The following ERC2 variants were observed in gnomAD, a reference collection of about 807,000 sequenced individuals.
ERC2 encodes the protein ERC protein 2.
In ERC2, 42 loss-of-function variants were observed where a neutral mutation model predicts 114.8. The ratio of observed to expected loss-of-function variants is 0.37; its 90% CI spans 0.29 to 0.47. ERC2 has a LOEUF of 0.47. Among genes scored for constraint, ERC2 ranks in the 20% least tolerant of loss-of-function variants. The pLI, the probability that ERC2 is intolerant of heterozygous loss-of-function variation, is 0.99. For missense variants in ERC2, 939 were observed against 1,150.7 expected (o/e 0.82, Z 2.66); for synonymous variants, 454 against 425.5 (o/e 1.07, Z -0.82).
At chr3:56,292,407 G>A (rs568740394) in intron 3 of ERC2, among the ~76,000 whole-genome samples, 23 of 145,032 alleles carry the variant, frequency 1.6e-4, no homozygotes, top group Non-Finnish European at 2.4e-4. Context: ...GTGAAACCCC[G>A]TCTGTACCAA....
chr3:55,975,676 G>A (rs1024144886), intron 12 of ERC2, among the ~76,000 whole-genome samples: 1 of 152,138 alleles, frequency 6.6e-6, no homozygotes, highest in South Asian at 2.1e-4. Context: ...GATACTCCTC[G>A]TTATGTTCAT....
intron 14 of ERC2, among the ~76,000 whole-genome samples, chr3:55,804,209 A>G (rs946391346): frequency 5.3e-5 from 8 of 152,208 alleles, no homozygotes; most frequent in African/African-American, 1.7e-4. Context: ...CTCTTGGTCT[A>G]GTAAAGTGGC....
At chr3:55,727,636 C>T (rs149933751) in intron 15 of ERC2, among the ~76,000 whole-genome samples, 1 of 152,128 alleles carries the variant, frequency 6.6e-6, no homozygotes, top group African/African-American at 2.4e-5. Context: ...GCTTTATTGA[C>T]AGATGTTTAA....
At chr3:55,613,511 A>C (rs972010778) in intron 17 of ERC2, among the ~76,000 whole-genome samples, 5 of 152,182 alleles carry the variant, frequency 3.3e-5, no homozygotes, top group Admixed American at 3.3e-4. Flanking sequence ...ATTTTCTTTT[A>C]GGTGGGAGAG....
intron 17 of ERC2, among the ~76,000 whole-genome samples, chr3:55,639,017 A>G (rs910936480): frequency 6.6e-6 from 1 of 152,220 alleles, no homozygotes; most frequent in Non-Finnish European, 1.5e-5. Context: ...CTGAGCGTTG[A>G]GAACACCCTA....
At chr3:55,879,088 T>A (rs1345812311) in intron 14 of ERC2, among the ~76,000 whole-genome samples, 19 of 80,490 alleles carry the variant, frequency 2.4e-4, no homozygotes, top group Non-Finnish European at 3.9e-4. Context: ...TCTTTTTTTT[T>A]CTTTTTCTTA....
intron 2 of ERC2, among the ~76,000 whole-genome samples, chr3:56,327,672 T>A (rs1005447212): frequency 6.6e-6 from 1 of 152,032 alleles, no homozygotes; most frequent in Non-Finnish European, 1.5e-5. Flanking sequence ...CAAGACTCCA[T>A]CTCAATCAAT....
At chr3:55,999,779 T>C (rs1428013229) in intron 10 of ERC2, among the ~76,000 whole-genome samples, 1 of 151,602 alleles carries the variant, frequency 6.6e-6, no homozygotes, top group Non-Finnish European at 1.5e-5. Flanking sequence ...AGAAATAATA[T>C]TGGGAACATA....
At chr3:55,691,672 T>C (rs1419073559) in intron 16 of ERC2, among the ~76,000 whole-genome samples, 1 of 147,794 alleles carries the variant, frequency 6.8e-6, no homozygotes, top group Non-Finnish European at 1.5e-5. Context: ...GCCTAAAACA[T>C]GTAACTTTTC....
chr3:55,902,015 C>T (rs1461255499), intron 13 of ERC2, among the ~76,000 whole-genome samples: 1 of 152,190 alleles, frequency 6.6e-6, no homozygotes, highest in African/African-American at 2.4e-5. Flanking sequence ...CAAACACAGA[C>T]ACATGCATTT....
chr3:55,720,532 G>T (rs891148075), intron 15 of ERC2, among the ~76,000 whole-genome samples: 1 of 151,810 alleles, frequency 6.6e-6, no homozygotes, highest in African/African-American at 2.4e-5. Context: ...CAATCTTTCC[G>T]CCTTGGCCTC....
chr3:55,735,668 A>G (rs1164608028), intron 14 of ERC2, among the ~76,000 whole-genome samples: 5 of 152,096 alleles, frequency 3.3e-5, no homozygotes, highest in Non-Finnish European at 7.4e-5. Context: ...CATCATATGA[A>G]CTTTTGGGGG....
At chr3:56,159,311 A>C (rs1465352891) in intron 4 of ERC2, among the ~76,000 whole-genome samples, 1 of 152,152 alleles carries the variant, frequency 6.6e-6, no homozygotes, top group Non-Finnish European at 1.5e-5. Flanking sequence ...GTGAGAATGG[A>C]ATAATATGGG....
At chr3:55,589,997 T>G (rs2107601298) in intron 17 of ERC2, among the ~76,000 whole-genome samples, 1 of 152,054 alleles carries the variant, frequency 6.6e-6, no homozygotes, top group African/African-American at 2.4e-5. Flanking sequence ...AGTCTCACAT[T>G]CTCAAAAAAA....
intron 17 of ERC2, among the ~76,000 whole-genome samples, chr3:55,547,281 C>T (rs2054822730): frequency 6.6e-6 from 1 of 152,278 alleles, no homozygotes; most frequent in African/African-American, 2.4e-5. Context: ...TCATCCTCTA[C>T]ATCGGCCAGG....
intron 14 of ERC2, among the ~76,000 whole-genome samples, chr3:55,818,140 G>A (rs528826427): frequency 7.9e-5 from 12 of 152,282 alleles, no homozygotes; most frequent in Non-Finnish European, 1.8e-4. Context: ...ACCTTCCAGA[G>A]CTGTCCTGGA....
chr3:55,555,668 C>T (rs1381172133), intron 17 of ERC2, among the ~76,000 whole-genome samples: 1 of 152,166 alleles, frequency 6.6e-6, no homozygotes, highest in Non-Finnish European at 1.5e-5. Context: ...AGAATCATTG[C>T]CACAGTTAAG....
At chr3:56,243,000 C>T (rs2051426980) in intron 3 of ERC2, among the ~76,000 whole-genome samples, 1 of 152,170 alleles carries the variant, frequency 6.6e-6, no homozygotes, top group Admixed American at 6.6e-5. Flanking sequence ...TCTTTACCCT[C>T]CATTTTACCC....
chr3:56,296,474 G>T (rs1560542046), intron 2 of ERC2, 39 bp from the exon 3 acceptor site: 4 of 1,552,942 alleles, frequency 2.6e-6, no homozygotes, highest in Non-Finnish European at 3.5e-6. Context: ...GAGAAAGAAG[G>T]AAAAAAAGTC....
Sources: allele counts gnomAD v4.1 joint callset (sites outside exome capture counted in the v4.1 genomes callset), GRCh38; gene constraint gnomAD v4.1.1; transcripts MANE v1.5; gene names NCBI Gene and HGNC (gene_info 2026-07-23, HGNC 2026-07-21).